The following ATP2B1 variants were observed in gnomAD, a reference collection of about 807,000 sequenced individuals.
The protein encoded by ATP2B1 is plasma membrane calcium-transporting ATPase 1.
A neutral mutation model predicts 124.2 loss-of-function variants in ATP2B1; 14 were observed. The observed-to-expected ratio is 0.11, with a 90% CI of 0.07 to 0.18. The LOEUF (loss-of-function observed/expected upper bound fraction) is 0.18. Ranked by LOEUF, ATP2B1 falls within the 10% of genes least tolerant of loss-of-function variation. The probability of loss-of-function intolerance (pLI) is 1.00; values close to 1 mark genes in which losing one functional copy is unlikely to be tolerated. For synonymous variants in ATP2B1, 449 were observed against 492.4 expected (o/e 0.91, Z 1.17); for missense variants, 763 against 1,466.1 (o/e 0.52, Z 7.83).
intron 1 of ATP2B1, among the ~76,000 whole-genome samples, chr12:89,682,199 G>A (rs1462945355): frequency 1.3e-5 from 2 of 151,910 alleles, no homozygotes; most frequent in Non-Finnish European, 2.9e-5. Context: ...TCTATATAAA[G>A]AAAACTGTAA....
chr12:89,688,877 T>G (rs896074519), intron 1 of ATP2B1, among the ~76,000 whole-genome samples: 1 of 152,112 alleles, frequency 6.6e-6, no homozygotes, highest in Non-Finnish European at 1.5e-5. Flanking sequence ...CCAGTCCAAG[T>G]ATAAAATATT....
intron 1 of ATP2B1, among the ~76,000 whole-genome samples, chr12:89,682,407 C>T (rs1483402434): frequency 6.6e-6 from 1 of 151,986 alleles, no homozygotes; most frequent in African/African-American, 2.4e-5. Context: ...GCCAAGAAAC[C>T]ACAGCGAAGA....
intron 1 of ATP2B1, among the ~76,000 whole-genome samples, chr12:89,684,802 T>C (rs1251330096): frequency 6.6e-6 from 1 of 152,148 alleles, no homozygotes; most frequent in African/African-American, 2.4e-5. Context: ...TTAACCCATA[T>C]TAATCTAAAC....
chr12:89,696,718 C>T (rs960218850), intron 1 of ATP2B1, among the ~76,000 whole-genome samples: 1 of 152,106 alleles, frequency 6.6e-6, no homozygotes, highest in East Asian at 1.9e-4. Context: ...ATGTAAGTCA[C>T]TGTATTTTAG....
In ATP2B1 at chr12:89,655,926, G is replaced by T; in HGVS notation, c.-40C>A. ...ATCAGAAGGAAAATGTTTCCCAAAA[G>T]AATTTAATTTTCACTTGATGTATTT... On this transcript the variant is annotated 5_prime_UTR_variant, in exon 2 of 21. Coordinates refer to ENST00000428670, the MANE Select transcript of ATP2B1 (RefSeq NM_001366521.1). 6.6e-7 allele frequency: 1 copy of T among 1,508,960 alleles called. No homozygotes were observed. 93.5% of individuals were successfully genotyped at this position (1,508,960 alleles called of 1,614,324 possible). A position where few individuals can be genotyped will look rare whatever the true frequency, so the allele number is the denominator to read the frequency against.
At chr12:89,656,758 T>C (rs1422708688) in intron 1 of ATP2B1, among the ~76,000 whole-genome samples, 1 of 152,224 alleles carries the variant, frequency 6.6e-6, no homozygotes, top group Non-Finnish European at 1.5e-5. Context: ...ACCTCAGGTC[T>C]TCCTTTGACC....
At chr12:89,692,536 G>C (rs1459401483) in intron 1 of ATP2B1, among the ~76,000 whole-genome samples, 2 of 152,154 alleles carry the variant, frequency 1.3e-5, no homozygotes, top group Non-Finnish European at 2.9e-5. Context: ...TCAGAGAAAT[G>C]AATTAATAAT....
intron 20 of ATP2B1, among the ~76,000 whole-genome samples, chr12:89,592,842 G>C (rs1375703603): frequency 6.6e-6 from 1 of 151,964 alleles, no homozygotes; most frequent in African/African-American, 2.4e-5. Context: ...AATTAGTTGG[G>C]GATCTTGTTA....
At chr12:89,691,181 A>G (rs1288211834) in intron 1 of ATP2B1, among the ~76,000 whole-genome samples, 1 of 150,702 alleles carries the variant, frequency 6.6e-6, no homozygotes, top group Non-Finnish European at 1.5e-5. Flanking sequence ...GTCTACAGGG[A>G]AAAAAAAATC....
intron 1 of ATP2B1, among the ~76,000 whole-genome samples, chr12:89,679,267 C>T (rs1043974822): frequency 6.6e-6 from 1 of 152,110 alleles, no homozygotes; most frequent in Non-Finnish European, 1.5e-5. Context: ...GAATACACAA[C>T]AAAGATAGTC....
In ATP2B1 at chr12:89,630,590, A is replaced by G. The variant is rs747833224; in HGVS notation, c.843T>C (p.Asn281=). 3 of 1,602,764 alleles carry G rather than the reference A, an allele frequency of 1.9e-6. No individual in the cohort carries two copies. ...AGGTAAAGATAATTCCAGTTTGAGA[A>G]TTTACACCTACAGCTGTAACTACCA... ...GRMVVTAVGV[N]SQTGIIFTLL... The change falls in exon 6 of 21, where the codon AAT becomes AAC. Residue 281 remains asparagine, a synonymous_variant. Coordinates refer to ENST00000428670, the MANE Select transcript of ATP2B1 (RefSeq NM_001366521.1).
At chr12:89,653,242 C>G (rs36167889) in intron 2 of ATP2B1, among the ~76,000 whole-genome samples, 1 of 148,752 alleles carries the variant, frequency 6.7e-6, no homozygotes, top group African/African-American at 2.5e-5. Context: ...ATGAATTTAT[C>G]TAATAGCCCA....
chr12:89,692,047 A>G (rs1890612961), intron 1 of ATP2B1, among the ~76,000 whole-genome samples: 1 of 152,176 alleles, frequency 6.6e-6, no homozygotes, highest in Admixed American at 6.6e-5. Context: ...AATAAAAATT[A>G]AAAACACAAA....
At chr12:89,617,661 A>G (rs927986441) in intron 11 of ATP2B1, among the ~76,000 whole-genome samples, 3 of 152,090 alleles carry the variant, frequency 2.0e-5, no homozygotes, top group African/African-American at 7.2e-5. Flanking sequence ...ATGCCTCTCT[A>G]TACTCCTCTC....
In ATP2B1 at chr12:89,648,473, G is replaced by A. The variant is rs1884802128; in HGVS notation, c.209-6118C>T. ...TGACCTAGGGTATCTAGCACAAGAC[G>A]GTTCTCAGCAGCAAAACATTCAAGA... is the stretch of plus-strand genomic sequence containing the variant. On this transcript the variant is annotated intron_variant, in intron 2 of 20. Transcript: ENST00000428670. 3.9e-5 allele frequency among the ~76,000 whole-genome samples: 6 copies of A among 152,282 alleles called. No individual in the cohort carries two copies. In the South Asian group the frequency reaches 8.3e-4, roughly 21 times the overall value.
chr12:89,603,962 T>C lies in ATP2B1; in HGVS notation c.2635-37A>G, dbSNP rs754675502. On this transcript the variant is annotated intron_variant, in intron 16 of 20. Transcript: ENST00000428670. This position sits in a 1 kb window ranked among gnomAD's most constrained non-coding sequence, Gnocchi z 4.3. The stretch of plus-strand genomic sequence containing the variant: ...ATGTTTCCTAATAGACATTCACAAC[T>C]ACTCAGGGGCTCAGCAATTCTCAGG... 1.9e-6 allele frequency: 3 copies of C among 1,592,262 alleles called. No homozygotes were observed. In the Admixed American group the frequency reaches 5.1e-5, roughly 27 times the overall value.
At chr12:89,705,832 AC>A (rs1398294719) in intron 1 of ATP2B1, among the ~76,000 whole-genome samples, 1 of 152,174 alleles carries the variant, frequency 6.6e-6, no homozygotes, top group Non-Finnish European at 1.5e-5. Flanking sequence ...TTTAATAAAG[AC>A]TTATCTACAG....
intron 6 of ATP2B1, among the ~76,000 whole-genome samples, chr12:89,628,176 G>A (rs1283417978): frequency 1.3e-5 from 2 of 152,060 alleles, no homozygotes; most frequent in South Asian, 2.1e-4. Flanking sequence ...GCCAAGGTGG[G>A]TGGATCATCT....
At chr12:89,688,690 G>A (rs962782304) in intron 1 of ATP2B1, among the ~76,000 whole-genome samples, 1 of 152,010 alleles carries the variant, frequency 6.6e-6, no homozygotes, top group Non-Finnish European at 1.5e-5. Flanking sequence ...AGTGGAACAG[G>A]CACTAAGGTG....
Sources: allele counts gnomAD v4.1 joint callset (sites outside exome capture counted in the v4.1 genomes callset), GRCh38; gene constraint gnomAD v4.1.1; non-coding constraint Gnocchi (gnomAD v3.1); transcripts MANE v1.5; gene names NCBI Gene and HGNC (gene_info 2026-07-23, HGNC 2026-07-21).